The following SYN3 variants were observed in gnomAD, a reference collection of about 807,000 sequenced individuals.
The protein encoded by SYN3 is synapsin III.
SYN3 carries 35 observed loss-of-function variants against 65.8 expected under a neutral mutation model. The ratio of observed to expected loss-of-function variants is 0.53; its 90% CI spans 0.41 to 0.70. The LOEUF is 0.70. SYN3 is among the 30% of genes least tolerant of loss of function. The probability of loss-of-function intolerance (pLI) is 0.00; values close to 1 mark genes in which losing one functional copy is unlikely to be tolerated. For missense variants in SYN3, 680 were observed against 749.0 expected (o/e 0.91, Z 1.08); for synonymous variants, 270 against 292.9 (o/e 0.92, Z 0.80).
Position 32,544,099 on chromosome 22 carries a change from C to T in SYN3, c.775-2386G>A, listed in dbSNP as rs548956508. ...GACTACAGGCGTGCACCACCATGCC[C>T]GGCTAGTTTTTGATTATTTGTAGAG... On this transcript the variant is annotated intron_variant, in intron 7 of 13. Transcript: ENST00000358763. Among the ~76,000 whole-genome samples the T allele has an allele frequency of 5.9e-5, 9 of 152,248 alleles. No homozygotes were observed. The East Asian group carries it at 7.8e-4, about 13-fold the overall frequency.
chr22:32,528,702 G>T (rs1304729400), intron 11 of SYN3, among the ~76,000 whole-genome samples, 172 bp downstream of exon 11: 1 of 152,186 alleles, frequency 6.6e-6, no homozygotes, highest in African/African-American at 2.4e-5. Flanking sequence ...CACTTACTGG[G>T]GCAGGCTGTG....
At chr22:32,744,613 G>T (rs1394339598) in intron 6 of SYN3, among the ~76,000 whole-genome samples, 1 of 152,152 alleles carries the variant, frequency 6.6e-6, no homozygotes, top group Non-Finnish European at 1.5e-5. Flanking sequence ...GGGTCTAGTG[G>T]ACCCTCAAGT....
At chr22:33,023,886 G>A (rs2053598342) in intron 1 of SYN3, among the ~76,000 whole-genome samples, 1 of 152,174 alleles carries the variant, frequency 6.6e-6, no homozygotes, top group African/African-American at 2.4e-5. Context: ...AATCATATAT[G>A]TATTCTAGTC....
chr22:32,885,739 T>G (rs2049271101), intron 4 of SYN3, among the ~76,000 whole-genome samples: 1 of 152,122 alleles, frequency 6.6e-6, no homozygotes, highest in African/African-American at 2.4e-5. Context: ...TTTTGTATTC[T>G]TAGTAGAGAT....
At chr22:32,606,851 ATTAT>A (rs994821327) in intron 6 of SYN3, among the ~76,000 whole-genome samples, 18 of 151,288 alleles carry the variant, frequency 1.2e-4, no homozygotes, top group African/African-American at 7.3e-5. Flanking sequence ...TTAAAAAATA[ATTAT>A]TTATTTATTT....
intron 4 of SYN3, among the ~76,000 whole-genome samples, chr22:32,928,933 A>G (rs368532486): frequency 2.0e-5 from 3 of 152,144 alleles, no homozygotes; most frequent in Non-Finnish European, 2.9e-5. Flanking sequence ...GTGATGTTAA[A>G]CACAATAATT....
intron 6 of SYN3, chr22:32,859,447 AGAT>A (rs1298214430): frequency 2.0e-6 from 3 of 1,527,840 alleles, no homozygotes; most frequent in Non-Finnish European, 2.6e-6. Flanking sequence ...AACTCTTCCC[AGAT>A]GATGACAATG....
intron 4 of SYN3, among the ~76,000 whole-genome samples, chr22:32,884,604 G>A (rs2049238427): frequency 1.3e-5 from 2 of 152,208 alleles, no homozygotes; most frequent in South Asian, 4.1e-4. Context: ...TCGTGGCCGG[G>A]TGCGGTGGCT....
intron 1 of SYN3, among the ~76,000 whole-genome samples, chr22:33,054,314 T>C (rs975097755): frequency 2.0e-5 from 3 of 152,234 alleles, no homozygotes; most frequent in African/African-American, 4.8e-5. Flanking sequence ...ATTTGAATTG[T>C]ATCCTCTAAG....
chr22:32,878,635 G>C (rs1340048630), intron 4 of SYN3, among the ~76,000 whole-genome samples: 1 of 152,164 alleles, frequency 6.6e-6, no homozygotes, highest in African/African-American at 2.4e-5. Flanking sequence ...CACACTCTCT[G>C]TTTTCATATA....
At chr22:32,682,889 T>C (rs1240753870) in intron 6 of SYN3, among the ~76,000 whole-genome samples, 1 of 152,148 alleles carries the variant, frequency 6.6e-6, no homozygotes, top group Admixed American at 6.5e-5. Flanking sequence ...TTAGCAGATA[T>C]GCCCTTGGAA....
intron 8 of SYN3, among the ~76,000 whole-genome samples, chr22:32,539,541 C>A (rs148334314): frequency 2.3e-3 from 350 of 152,242 alleles, no homozygotes; most frequent in African/African-American, 8.0e-3. Flanking sequence ...TACTTCCTTA[C>A]TGTGTCTGCT....
At chr22:32,794,364 C>T (rs376856539) in intron 6 of SYN3, among the ~76,000 whole-genome samples, 1 of 152,080 alleles carries the variant, frequency 6.6e-6, no homozygotes, top group Non-Finnish European at 1.5e-5. Context: ...GGGAAACAAG[C>T]CCAGTGGGAT....
chr22:32,781,277 C>T (rs2046056512), intron 6 of SYN3, among the ~76,000 whole-genome samples: 1 of 152,094 alleles, frequency 6.6e-6, no homozygotes, highest in South Asian at 2.1e-4. Flanking sequence ...CTGACTCCTC[C>T]ATCATCCTCC....
intron 6 of SYN3, among the ~76,000 whole-genome samples, chr22:32,734,562 G>T (rs1306257950): frequency 6.7e-6 from 1 of 148,572 alleles, no homozygotes; most frequent in African/African-American, 2.4e-5. Flanking sequence ...GCCCTGTGAT[G>T]GCTGCCATGC....
chr22:33,058,342 C>A lies in SYN3; in HGVS notation c.-213G>T, dbSNP rs1245055946. 1 of 151,582 alleles carries A rather than the reference C, an allele frequency of 6.6e-6. No individual in the cohort carries two copies. The highest frequency in any genetic ancestry group is 1.5e-5 in the Non-Finnish European group (1 of 67,848). 9.4% of individuals were successfully genotyped at this position (151,582 alleles called of 1,614,324 possible). A position where few individuals can be genotyped will look rare whatever the true frequency, so the allele number is the denominator to read the frequency against. On this transcript the variant is annotated 5_prime_UTR_variant, in exon 1 of 14. Coordinates refer to ENST00000358763, the MANE Select transcript of SYN3 (RefSeq NM_003490.4). ...CCCGGTGGTGCCTCGGCGCGGCGCC[C>A]GCCAGTCGATCCGCTCCGGGTCCCG...
chr22:32,609,054 G>A (rs934379196), intron 6 of SYN3, among the ~76,000 whole-genome samples: 9 of 152,000 alleles, frequency 5.9e-5, no homozygotes, highest in African/African-American at 1.7e-4. Flanking sequence ...GCCAGGCCTG[G>A]TGGCTCACAC....
chr22:32,537,911 G>C, intron 9 of SYN3, 125 bp downstream of exon 9: 1 of 745,468 alleles, frequency 1.3e-6, no homozygotes, highest in Non-Finnish European at 2.3e-6. Flanking sequence ...CTAAAAAAGT[G>C]CTCTGTGGAT....
At chr22:32,672,903 C>T (rs2060390715) in intron 6 of SYN3, among the ~76,000 whole-genome samples, 1 of 152,188 alleles carries the variant, frequency 6.6e-6, no homozygotes, top group African/African-American at 2.4e-5. Context: ...CCCATTGGGA[C>T]ATGGATTGGT....
Sources: gnomAD v4.1 joint callset for allele counts (sites outside exome capture counted in the v4.1 genomes callset) on GRCh38, gnomAD v4.1.1 for gene constraint, MANE v1.5 for transcripts, NCBI Gene and HGNC (gene_info 2026-07-23, HGNC 2026-07-21) for gene names.